The following CACNA1D variants were observed in gnomAD, a reference collection of about 807,000 sequenced individuals.
CACNA1D encodes voltage-dependent L-type calcium channel subunit alpha-1D.
Under a neutral mutation model 257.1 loss-of-function variants are expected in CACNA1D, and 55 were observed. That is an observed-to-expected ratio of 0.21 (90% confidence interval 0.17 to 0.27). CACNA1D has a LOEUF of 0.27. Among genes scored for constraint, CACNA1D ranks in the 10% least tolerant of loss-of-function variants. CACNA1D has a pLI of 1.00. For synonymous variants in CACNA1D, 980 were observed against 1,014.9 expected (o/e 0.97, Z 0.65); for missense variants, 1,876 against 2,784.0 (o/e 0.67, Z 7.34).
chr3:53,545,209 G>GT (rs113664383), intron 3 of CACNA1D, among the ~76,000 whole-genome samples: 8,216 of 152,272 alleles, frequency 0.054, 780 homozygotes, highest in African/African-American at 0.19. Context: ...TGATTCTGCA[G>GT]TTTTAAAGAG....
intron 29 of CACNA1D, among the ~76,000 whole-genome samples, chr3:53,761,318 T>C (rs1188365206): frequency 1.3e-5 from 2 of 152,220 alleles, no homozygotes; most frequent in African/African-American, 2.4e-5. Flanking sequence ...AGAGCCTGCC[T>C]TGACTTCCCC....
At chr3:53,786,657 C>A in intron 39 of CACNA1D, 165 bp from the exon 40 acceptor site, 3 of 642,078 alleles carry the variant, frequency 4.7e-6, no homozygotes, top group Non-Finnish European at 8.4e-6. Context: ...TTGCTTTTTG[C>A]TGGTTTGAGA....
intron 3 of CACNA1D, among the ~76,000 whole-genome samples, chr3:53,537,382 G>T (rs766394718): frequency 6.6e-6 from 1 of 152,106 alleles, no homozygotes; most frequent in African/African-American, 2.4e-5. Context: ...TATTTAATTT[G>T]TGGAATCCAT....
At chr3:53,534,405 C>T (rs1465981864) in intron 3 of CACNA1D, among the ~76,000 whole-genome samples, 4 of 152,218 alleles carry the variant, frequency 2.6e-5, no homozygotes, top group Admixed American at 2.6e-4. Context: ...CCATTCTGTC[C>T]CTCCCACTTC....
intron 21 of CACNA1D, among the ~76,000 whole-genome samples, chr3:53,740,871 G>A (rs2095110759): frequency 6.6e-6 from 1 of 152,068 alleles, no homozygotes; most frequent in Admixed American, 6.5e-5. Flanking sequence ...CTCTCTTTTT[G>A]TTTCTCTGAC....
intron 40 of CACNA1D, among the ~76,000 whole-genome samples, chr3:53,794,230 C>A (rs1248341170): frequency 2.0e-5 from 3 of 152,290 alleles, no homozygotes; most frequent in Non-Finnish European, 4.4e-5. Flanking sequence ...TATTTAGTAC[C>A]ATTCACCTAG....
At chr3:53,755,480 G>T (rs118114739) in intron 29 of CACNA1D, among the ~76,000 whole-genome samples, 1 of 152,180 alleles carries the variant, frequency 6.6e-6, no homozygotes, top group African/African-American at 2.4e-5. Context: ...GTTCAGTAGC[G>T]CGTGAACAGA....
intron 18 of CACNA1D, among the ~76,000 whole-genome samples, chr3:53,732,582 A>G (rs2108770321): frequency 6.6e-6 from 1 of 152,222 alleles, no homozygotes; most frequent in South Asian, 2.1e-4. Flanking sequence ...GCTGGTGGGA[A>G]TCTCATCATT....
intron 9 of CACNA1D, among the ~76,000 whole-genome samples, chr3:53,712,461 G>C (rs531580123): frequency 1.5e-4 from 23 of 152,322 alleles, no homozygotes; most frequent in Non-Finnish European, 2.6e-4. Flanking sequence ...CATTCTCCAA[G>C]AAGAGCCTGG....
intron 3 of CACNA1D, among the ~76,000 whole-genome samples, chr3:53,599,553 G>A (rs1239769216): frequency 1.3e-5 from 2 of 151,708 alleles, no homozygotes; most frequent in African/African-American, 4.8e-5. Flanking sequence ...TTGAGTCCTG[G>A]CTCCACCATA....
intron 18 of CACNA1D, 24 bp from the exon 19 acceptor site, chr3:53,732,791 A>T (rs2108771480): frequency 1.2e-6 from 2 of 1,607,134 alleles, no homozygotes; most frequent in East Asian, 4.5e-5. Context: ...TTTCATGCCT[A>T]TAAAAAAAGT....
chr3:53,524,450 T>G (rs2091689674), intron 3 of CACNA1D, among the ~76,000 whole-genome samples: 1 of 152,248 alleles, frequency 6.6e-6, no homozygotes, highest in African/African-American at 2.4e-5. Flanking sequence ...AAGATACATT[T>G]AAGCATCAGT....
chr3:53,673,687 A>T lies in CACNA1D; in HGVS notation c.1220+561A>T. 1 of 1,528,648 alleles carries T rather than the reference A, an allele frequency of 6.5e-7. No homozygotes were observed. The allele number at this position is 1,528,648 out of a possible 1,614,324, so 94.7% of individuals were successfully genotyped here. On this transcript the variant is annotated intron_variant, in intron 8 of 47. Coordinates refer to ENST00000350061, the MANE Select transcript of CACNA1D (RefSeq NM_001128840.3). This position sits in a 1 kb window ranked among gnomAD's most constrained non-coding sequence, Gnocchi z 4.1. ...CTGCTCTTTAGTAAATGGATAACTG[A>T]TAACTGATCTCCTTACATTTTACAG...
intron 3 of CACNA1D, among the ~76,000 whole-genome samples, chr3:53,601,997 C>G (rs911753092): frequency 6.6e-6 from 1 of 152,322 alleles, no homozygotes; most frequent in Admixed American, 6.5e-5. Context: ...AGGCACGAGC[C>G]ACCACACCCA....
rs1159467552 is a variant in CACNA1D at position 53,726,910 on chromosome 3, T to C, written c.2132T>C (p.Met711Thr). The change falls in exon 15 of 48, where the codon ATG becomes ACG. Residue 711 changes from methionine to threonine, a missense_variant. Met to Thr is a moderately conservative substitution (Grantham distance 81, BLOSUM62 -1). Around this residue, in one of 10 missense-constraint regions of CACNA1D, gnomAD observed 257 missense variants for 399.7 expected, o/e 0.64. Coordinates refer to ENST00000350061, the MANE Select transcript of CACNA1D (RefSeq NM_001128840.3). ...ACAGGCGAAGACTGGAATGCTGTGA[T>C]GTACGATGGCATCATGGCTTACGGG... ...ILTGEDWNAV[M>T]YDGIMAYGGP... 1 of 1,614,214 alleles carries C rather than the reference T, an allele frequency of 6.2e-7. No individual in the cohort carries two copies. The highest frequency in any genetic ancestry group is 1.7e-5 in the Admixed American group (1 of 60,032).
chr3:53,706,492 G>A (rs922623495), intron 9 of CACNA1D, among the ~76,000 whole-genome samples: 1 of 152,134 alleles, frequency 6.6e-6, no homozygotes, highest in Non-Finnish European at 1.5e-5. Flanking sequence ...TGCAAGAAGG[G>A]GATAAAGATA....
intron 5 of CACNA1D, among the ~76,000 whole-genome samples, chr3:53,664,331 G>A (rs1310073414): frequency 6.6e-6 from 1 of 152,108 alleles, no homozygotes; most frequent in African/African-American, 2.4e-5. Context: ...TTCTGACTCA[G>A]TTGCTGAGTT....
At chr3:53,606,147 A>C (rs1252028345) in intron 3 of CACNA1D, among the ~76,000 whole-genome samples, 2 of 152,244 alleles carry the variant, frequency 1.3e-5, no homozygotes. Context: ...TCAGCTTTGC[A>C]GTCACATTTA....
At chr3:53,782,782 A>C (rs145025935) in intron 39 of CACNA1D, 134 of 152,374 alleles carry the variant, frequency 8.8e-4, no homozygotes, top group African/African-American at 3.2e-3. Context: ...CAACAACAAC[A>C]AAACAAAACA....
Sources: allele counts gnomAD v4.1 joint callset (sites outside exome capture counted in the v4.1 genomes callset), GRCh38; gene constraint gnomAD v4.1.1; regional missense constraint gnomAD v4.1.1; non-coding constraint Gnocchi (gnomAD v3.1); transcripts MANE v1.5; gene names NCBI Gene and HGNC (gene_info 2026-07-23, HGNC 2026-07-21).